BRF1: variants seen among roughly 807,000 people sequenced by gnomAD.
BRF1 encodes the protein transcription factor IIIB 90 kDa subunit.
A neutral mutation model predicts 81.7 loss-of-function variants in BRF1; 59 were observed. The observed-to-expected ratio is 0.72, with a 90% CI of 0.59 to 0.90. BRF1 has a LOEUF of 0.90. Among genes scored for constraint, BRF1 ranks in the 40% least tolerant of loss-of-function variants. The probability of loss-of-function intolerance (pLI) is 0.00; values close to 1 mark genes in which losing one functional copy is unlikely to be tolerated. For missense variants in BRF1, 1,050 were observed against 936.3 expected (o/e 1.12, Z -1.58); for synonymous variants, 491 against 395.6 (o/e 1.24, Z -2.86).
intron 3 of BRF1, among the ~76,000 whole-genome samples, chr14:105,266,086 A>T (rs1054682295): frequency 6.7e-6 from 1 of 149,044 alleles, no homozygotes; most frequent in Admixed American, 6.6e-5. Flanking sequence ...AAAACAAAAC[A>T]AACAAAAAAC....
intron 6 of BRF1, among the ~76,000 whole-genome samples, chr14:105,241,027 C>A (rs919406840): frequency 2.6e-5 from 4 of 152,346 alleles, no homozygotes; most frequent in Admixed American, 2.6e-4. Context: ...GGGTCAAGGC[C>A]GCTCTGCCCT....
At chr14:105,213,760 G>C (rs1005711280) in intron 15 of BRF1, among the ~76,000 whole-genome samples, 2 of 152,198 alleles carry the variant, frequency 1.3e-5, no homozygotes, top group Non-Finnish European at 2.9e-5. Context: ...CCTCACCCTG[G>C]GGGGCCAGAA....
intron 3 of BRF1, among the ~76,000 whole-genome samples, chr14:105,265,068 TG>T (rs761040233): frequency 0.019 from 2,759 of 144,688 alleles, 109 homozygotes; most frequent in African/African-American, 0.053. Context: ...TTTTTTTGTT[TG>T]TTTGTTTTTT....
intron 3 of BRF1, among the ~76,000 whole-genome samples, chr14:105,261,363 C>T (rs1160856460): frequency 6.6e-6 from 1 of 152,194 alleles, no homozygotes; most frequent in Non-Finnish European, 1.5e-5. Flanking sequence ...ACGGTGCAGC[C>T]CTGCACCCCA....
chr14:105,249,972 TGAA>T, intron 5 of BRF1: 1 of 1,612,514 alleles, frequency 6.2e-7, no homozygotes, highest in Non-Finnish European at 8.5e-7. Flanking sequence ...GAGGCCGTCC[TGAA>T]CTGGGCCGAG....
intron 5 of BRF1, chr14:105,246,925 G>A (rs932690811): frequency 1.0e-6 from 1 of 985,294 alleles, no homozygotes; most frequent in African/African-American, 1.7e-5. Flanking sequence ...CCCAGGTCTT[G>A]TGTGCTGCTG....
chr14:105,298,468 C>A (rs587636260), intron 1 of BRF1, among the ~76,000 whole-genome samples: 1 of 152,350 alleles, frequency 6.6e-6, no homozygotes, highest in South Asian at 2.1e-4. Context: ...CAAAGGCCTT[C>A]AGTCTTTCAA....
At chr14:105,245,477 G>C (rs2055026712) in intron 5 of BRF1, among the ~76,000 whole-genome samples, 1 of 152,064 alleles carries the variant, frequency 6.6e-6, no homozygotes, top group South Asian at 2.1e-4. Flanking sequence ...ATAAGAAAAA[G>C]AAGCAAATAA....
intron 5 of BRF1, chr14:105,241,744 A>G: frequency 2.7e-6 from 1 of 371,536 alleles, no homozygotes; most frequent in Admixed American, 3.8e-5. Flanking sequence ...TGCAGACAGC[A>G]CCACACGCAA....
chr14:105,255,087 G>C (rs889763690), intron 4 of BRF1, among the ~76,000 whole-genome samples: 1 of 152,200 alleles, frequency 6.6e-6, no homozygotes, highest in Non-Finnish European at 1.5e-5. Context: ...AACAACCTGG[G>C]TCTGCCCTAA....
upstream of BRF1, among the ~76,000 whole-genome samples, chr14:105,304,058 G>T (rs2058106997): frequency 6.6e-6 from 1 of 152,230 alleles, no homozygotes; most frequent in African/African-American, 2.4e-5. Context: ...GTGCCTGCAG[G>T]TGCAAGGGGC....
chr14:105,250,191 C>G (rs1169592183), intron 5 of BRF1: 1 of 1,613,000 alleles, frequency 6.2e-7, no homozygotes, highest in African/African-American at 1.3e-5. Context: ...CTGGACTTTC[C>G]CCTGACCAAG....
In BRF1 at chr14:105,252,452, C is replaced by A. The variant is rs587598989; in HGVS notation, c.544+55G>T. On this transcript the variant is annotated intron_variant, in intron 5 of 17. Transcript: ENST00000547530. ...TCCACTGTTCAAAGGACATTTGGCA[C>A]GCTGGTCCCTACAGCAGCCTGCCGG... 7 of 1,588,084 alleles carry A rather than the reference C, an allele frequency of 4.4e-6. No individual in the cohort carries two copies. In the African/African-American group the frequency reaches 8.1e-5, roughly 18 times the overall value.
intron 3 of BRF1, among the ~76,000 whole-genome samples, chr14:105,261,699 G>A (rs918570392): frequency 1.3e-5 from 2 of 152,258 alleles, no homozygotes; most frequent in African/African-American, 4.8e-5. Flanking sequence ...AAGTGCTCTT[G>A]TATATAGAGC....
intron 1 of BRF1, among the ~76,000 whole-genome samples, chr14:105,307,506 G>A (rs994230678): frequency 6.6e-6 from 1 of 152,090 alleles, no homozygotes; most frequent in Non-Finnish European, 1.5e-5. Flanking sequence ...CCTCCTCCTG[G>A]GAACTGTGAG....
intron 15 of BRF1, chr14:105,217,308 G>A (rs1891490058): frequency 1.6e-6 from 1 of 630,482 alleles, no homozygotes; most frequent in South Asian, 2.0e-5. Flanking sequence ...TAGGCTGCAG[G>A]ACCCCCCTGA....
Position 105,249,509 on chromosome 14 carries a change from G to A in BRF1, c.544+2998C>T, listed in dbSNP as rs770012980. ...TCCACTCTACTGGGGAGGGACGGGT[G>A]GGTCCGTTTTAGGCGGCCTCCGGAG... On this transcript the variant is annotated intron_variant, in intron 5 of 17. Transcript: ENST00000547530. The A allele has an allele frequency of 1.9e-6, 3 of 1,609,690 alleles. No individual in the cohort carries two copies. The Admixed American group carries it at 5.0e-5, about 27-fold the overall frequency.
intron 3 of BRF1, among the ~76,000 whole-genome samples, chr14:105,261,438 C>T (rs888669523): frequency 6.6e-6 from 1 of 152,128 alleles, no homozygotes; most frequent in African/African-American, 2.4e-5. Context: ...CAGCTGTGGA[C>T]AACACAGCGA....
In BRF1 at chr14:105,209,743, T is replaced by C; in HGVS notation, c.*808A>G. The C allele has an allele frequency of 1.7e-6, 1 of 599,402 alleles. No homozygotes were observed. Among genetic ancestry groups the C allele is most frequent in the Non-Finnish European group, 3.0e-6 (1 of 334,780 alleles). 37.1% of individuals were successfully genotyped at this position (599,402 alleles called of 1,614,324 possible). A position where few individuals can be genotyped will look rare whatever the true frequency, so the allele number is the denominator to read the frequency against. ...CAGCGCCAGGACACTATGCAGGCTA[T>C]GCCCGCACTGCCTACAGAGCTATGC... is the stretch of plus-strand genomic sequence containing the variant. On this transcript the variant is annotated 3_prime_UTR_variant, in exon 18 of 18. Transcript: ENST00000547530.
Sources: allele counts gnomAD v4.1 joint callset (sites outside exome capture counted in the v4.1 genomes callset), GRCh38; gene constraint gnomAD v4.1.1; transcripts MANE v1.5; gene names NCBI Gene and HGNC (gene_info 2026-07-23, HGNC 2026-07-21).